The following CEP85L variants were observed in gnomAD, a reference collection of about 807,000 sequenced individuals.
CEP85L encodes the protein centrosomal protein of 85 kDa-like.
Under a neutral mutation model 100.3 loss-of-function variants are expected in CEP85L, and 60 were observed. The observed-to-expected ratio is 0.60, with a 90% CI of 0.49 to 0.74. The LOEUF (loss-of-function observed/expected upper bound fraction) is 0.74, where lower values mean the gene tolerates loss of function less well. Among genes scored for constraint, CEP85L ranks in the 30% least tolerant of loss-of-function variants. The pLI, the probability that CEP85L is intolerant of heterozygous loss-of-function variation, is 0.00. For missense variants in CEP85L, 973 were observed against 936.2 expected (o/e 1.04, Z -0.51); for synonymous variants, 319 against 322.7 (o/e 0.99, Z 0.12).
At chr6:118,703,038 C>T (rs1777470993) in intron 1 of CEP85L, among the ~76,000 whole-genome samples, 2 of 151,640 alleles carry the variant, frequency 1.3e-5, no homozygotes, top group Admixed American at 1.3e-4. Context: ...ATTTTACCAC[C>T]CCTTAAATTC....
chr6:118,554,826 G>T (rs1478683078), intron 3 of CEP85L, among the ~76,000 whole-genome samples: 1 of 152,166 alleles, frequency 6.6e-6, no homozygotes, highest in South Asian at 2.1e-4. Flanking sequence ...TCCAGGCAGA[G>T]ATAGAACAAC....
At chr6:118,612,352 T>C (rs1772683283) in intron 2 of CEP85L, among the ~76,000 whole-genome samples, 1 of 151,850 alleles carries the variant, frequency 6.6e-6, no homozygotes, top group Admixed American at 6.6e-5. Context: ...AAATTTATAA[T>C]AGCATATTTT....
At chr6:118,561,455 T>C (rs1779218113) in intron 3 of CEP85L, among the ~76,000 whole-genome samples, 1 of 152,118 alleles carries the variant, frequency 6.6e-6, no homozygotes, top group Non-Finnish European at 1.5e-5. Context: ...AATTATAAAG[T>C]AGAATAAACT....
At chr6:118,506,992 T>C (rs1409324766) in intron 5 of CEP85L, among the ~76,000 whole-genome samples, 1 of 152,150 alleles carries the variant, frequency 6.6e-6, no homozygotes, top group Non-Finnish European at 1.5e-5. Flanking sequence ...TTTCCTCTCA[T>C]TGCACAAATC....
Position 118,481,881 on chromosome 6 carries a change from G to GTT in CEP85L, c.1642_1643insAA (p.Thr548LysfsTer20). The GTT allele has an allele frequency of 6.3e-7, 1 of 1,584,762 alleles. No individual in the cohort carries two copies. The highest frequency in any genetic ancestry group is 1.2e-5 in the South Asian group (1 of 86,704). On this transcript the variant is annotated frameshift_variant, in exon 8 of 13. Transcript: ENST00000368491. LOFTEE classifies it high-confidence loss of function. The stretch of plus-strand genomic sequence containing the variant: ...TTTGATCTCTTCAAGTTTTTTTTCT[G>GTT]TATCTATCAAAGCCTCTTGTAAATT...
chr6:118,676,370 C>T (rs181520541), intron 1 of CEP85L, among the ~76,000 whole-genome samples: 3 of 152,248 alleles, frequency 2.0e-5, no homozygotes, highest in Admixed American at 2.0e-4. Flanking sequence ...TGGTAAGCAC[C>T]GTTCCACTTT....
intron 1 of CEP85L, among the ~76,000 whole-genome samples, chr6:118,633,029 G>C (rs543441094): frequency 6.6e-6 from 1 of 151,778 alleles, no homozygotes; most frequent in African/African-American, 2.4e-5. Flanking sequence ...ATATAAATAG[G>C]ATATCCACAT....
At chr6:118,521,482 G>C (rs1330827902) in intron 4 of CEP85L, among the ~76,000 whole-genome samples, 2 of 152,214 alleles carry the variant, frequency 1.3e-5, no homozygotes, top group East Asian at 3.9e-4. Flanking sequence ...AAGATACTGG[G>C]TAGGTTATTT....
At chr6:118,699,677 A>G (rs772933225) in intron 1 of CEP85L, among the ~76,000 whole-genome samples, 20 of 151,888 alleles carry the variant, frequency 1.3e-4, no homozygotes, top group Non-Finnish European at 2.5e-4. Context: ...TGCTATTATT[A>G]TTATTATTAC....
intron 10 of CEP85L, among the ~76,000 whole-genome samples, chr6:118,476,983 TAAG>T (rs200161014): frequency 0.012 from 1,828 of 152,156 alleles, 29 homozygotes; most frequent in African/African-American, 0.042. Context: ...TTTTGAGAAA[TAAG>T]AAGGAAAGTA....
At chr6:118,532,303 T>C (rs541858169) in intron 3 of CEP85L, among the ~76,000 whole-genome samples, 1 of 151,744 alleles carries the variant, frequency 6.6e-6, no homozygotes, top group African/African-American at 2.4e-5. Flanking sequence ...GAGCTAAACA[T>C]CGAATACACA....
intron 1 of CEP85L, among the ~76,000 whole-genome samples, chr6:118,636,793 T>C (rs1774521802): frequency 6.6e-6 from 1 of 152,224 alleles, no homozygotes; most frequent in Admixed American, 6.5e-5. Flanking sequence ...GGCTTGAGCC[T>C]GCCAGCCTTC....
chr6:118,524,034 T>G (rs993015457), intron 3 of CEP85L, 114 bp from the exon 4 acceptor site: 1 of 450,754 alleles, frequency 2.2e-6, no homozygotes, highest in African/African-American at 2.1e-5. Flanking sequence ...CTCTTTGATT[T>G]TTTAATACTT....
Position 118,480,491 on chromosome 6 carries a change from A to G in CEP85L, c.1768T>C (p.Cys590Arg). 1 of 1,608,196 alleles carries G rather than the reference A, an allele frequency of 6.2e-7. No homozygotes were observed. Among genetic ancestry groups the G allele is most frequent in the African/African-American group, 1.3e-5 (1 of 74,858 alleles). ...VQSLQQKVERCLEDGIRLPML... is the reference protein window; with the variant it reads ...VQSLQQKVERRLEDGIRLPML... ...GGAAGGCGGATTCCATCTTCAAGGC[A>G]TCTTTCTACTTTTTGTTGCAAACTA... Residue 590 changes from cysteine to arginine, a missense_variant, in exon 9 of 13, where the codon TGC becomes CGC. By Grantham distance (180) the Cys-to-Arg change is radical (BLOSUM62 -3). This residue lies in a region of CEP85L where 890 missense variants were observed against 844.5 expected (regional missense o/e 1.05). Transcript: ENST00000368491.
At chr6:118,550,792 A>T (rs1460798456) in intron 3 of CEP85L, among the ~76,000 whole-genome samples, 1 of 151,930 alleles carries the variant, frequency 6.6e-6, no homozygotes, top group Non-Finnish European at 1.5e-5. Flanking sequence ...GCAAATTCAG[A>T]GAATACAAAC....
intron 5 of CEP85L, among the ~76,000 whole-genome samples, chr6:118,510,171 CTGTT>C (rs1264972458): frequency 2.0e-5 from 3 of 152,128 alleles, no homozygotes; most frequent in Non-Finnish European, 4.4e-5. Flanking sequence ...TGTTATGTCA[CTGTT>C]TGGTTAAATA....
intron 3 of CEP85L, among the ~76,000 whole-genome samples, chr6:118,525,470 T>G (rs1317441664): frequency 6.6e-6 from 1 of 152,178 alleles, no homozygotes; most frequent in Non-Finnish European, 1.5e-5. Flanking sequence ...TAAGGCCTAA[T>G]TCAATGTTTG....
intron 6 of CEP85L, among the ~76,000 whole-genome samples, chr6:118,487,926 C>T (rs1714696026): frequency 6.6e-6 from 1 of 151,998 alleles, no homozygotes; most frequent in African/African-American, 2.4e-5. Flanking sequence ...GAAGTCTGGC[C>T]AAGGGACTGG....
intron 10 of CEP85L, among the ~76,000 whole-genome samples, chr6:118,479,644 C>T (rs1001113294): frequency 6.6e-6 from 1 of 152,036 alleles, no homozygotes; most frequent in African/African-American, 2.4e-5. Flanking sequence ...ACTAGAGTGG[C>T]CAGGGATGTG....
Sources: gnomAD v4.1 joint callset for allele counts (sites outside exome capture counted in the v4.1 genomes callset) on GRCh38, gnomAD v4.1.1 for gene constraint, gnomAD v4.1.1 regional missense constraint, MANE v1.5 for transcripts, NCBI Gene and HGNC (gene_info 2026-07-23, HGNC 2026-07-21) for gene names.